Variants in NAIP observed in about 807,000 individuals in gnomAD.
The protein encoded by NAIP is baculoviral IAP repeat-containing protein 1.
In NAIP, 15 loss-of-function variants were observed where a neutral mutation model predicts 23.0. That is an observed-to-expected ratio of 0.65 (90% CI 0.44 to 1.00). The LOEUF (loss-of-function observed/expected upper bound fraction) is 1.00. NAIP is among the 50% of genes least tolerant of loss of function. The probability of loss-of-function intolerance (pLI) is 0.00; values close to 1 mark genes in which losing one functional copy is unlikely to be tolerated. For synonymous variants in NAIP, 100 were observed against 100.2 expected (o/e 1.00, Z 0.01); for missense variants, 265 against 278.8 (o/e 0.95, Z 0.35).
rs1257226997 is a variant in NAIP at position 71,009,701 on chromosome 5, G to A, written c.668+1574C>T. On this transcript the variant is annotated intron_variant, in intron 5 of 16. Transcript: ENST00000517649. ...TCAAATAAAATAAAATAAAAATATA[G>A]TTATTGTTATTATTTCCAGGAAAAA... Among the ~76,000 whole-genome samples the A allele has an allele frequency of 2.0e-5, 3 of 151,350 alleles. 1 individual carries two copies. The highest frequency in any genetic ancestry group is 4.2e-4 in the South Asian group (2 of 4,796).
At chr5:71,014,233 GAT>G (rs1307376106) in intron 3 of NAIP, among the ~76,000 whole-genome samples, 1 of 151,168 alleles carries the variant, frequency 6.6e-6, no homozygotes, top group African/African-American at 2.4e-5. Flanking sequence ...GAGTAGCTGG[GAT>G]TACAGGCACG....
chr5:71,011,606 G>GC (rs1561517125), intron 4 of NAIP: 2 of 540,282 alleles, frequency 3.7e-6, no homozygotes, highest in South Asian at 2.5e-5. Flanking sequence ...TGCCCCAGCT[G>GC]CCCCCCAGAG....
At chr5:71,015,065 C>A (rs1186121393) in intron 3 of NAIP, among the ~76,000 whole-genome samples, 1 of 151,488 alleles carries the variant, frequency 6.6e-6, no homozygotes, top group African/African-American at 2.4e-5. Context: ...ATGATTTTCT[C>A]CTGAAATAGG....
At position 71,011,465 on chromosome 5, in the gene NAIP, G is replaced by C. The variant is rs532981361; in HGVS notation, c.569-91C>G. On this transcript the variant is annotated intron_variant, in intron 4 of 16. Transcript: ENST00000517649. The stretch of plus-strand genomic sequence containing the variant: ...ATTGTTTTGTTCAGGAGCAAGACAA[G>C]CTCCAGCGTGGCTGTGCACTCCCGA... 2.8e-6 allele frequency: 3 copies of C among 1,078,494 alleles called. No homozygotes were observed. The Admixed American group carries it at 6.9e-5, about 25-fold the overall frequency. The allele number at this position is 1,078,494 out of a possible 1,614,324, so 66.8% of individuals were successfully genotyped here.
chr5:71,011,249 C>G (rs1751140218), intron 5 of NAIP, 26 bp downstream of exon 5: 16 of 1,534,644 alleles, frequency 1.0e-5, no homozygotes, highest in Non-Finnish European at 1.2e-5. Context: ...AAGAAAGAAA[C>G]ATTTAAGCAA....
intron 13 of NAIP, among the ~76,000 whole-genome samples, chr5:70,977,856 A>G (rs1750342174): frequency 8.9e-6 from 1 of 112,064 alleles, no homozygotes; most frequent in African/African-American, 2.6e-5. Context: ...TTAGCCGGGC[A>G]TGGTGATGGG....
chr5:70,977,867 T>C (rs150442), intron 13 of NAIP, among the ~76,000 whole-genome samples: 13,231 of 78,614 alleles, frequency 0.17, 833 homozygotes, highest in East Asian at 0.29. Flanking sequence ...TGGTGATGGG[T>C]GCCTGTAATC....
chr5:71,011,744 C>A (rs1751170409), intron 4 of NAIP: 1 of 448,008 alleles, frequency 2.2e-6, no homozygotes. Flanking sequence ...TCGGTAGAAA[C>A]ATAGGCATGT....
At chr5:71,013,000 C>T in intron 3 of NAIP, 82 bp from the exon 4 acceptor site, 1 of 1,253,124 alleles carries the variant, frequency 8.0e-7, no homozygotes. Flanking sequence ...CCGAAGAAAC[C>T]AGGAATTAAA....
chr5:70,977,944 G>C (rs1052815295), intron 13 of NAIP, among the ~76,000 whole-genome samples: 1 of 125,014 alleles, frequency 8.0e-6, no homozygotes, highest in African/African-American at 2.6e-5. Context: ...GCAGTGAGCT[G>C]ACAACGGTGC....
At chr5:70,977,753 G>T (rs1279543200) in intron 13 of NAIP, among the ~76,000 whole-genome samples, 1 of 141,746 alleles carries the variant, frequency 7.1e-6, no homozygotes, top group African/African-American at 2.5e-5. Context: ...AGTACTTTGG[G>T]AGGCTGAGGT....
At chr5:71,017,866 T>TA (rs1485246695) in intron 3 of NAIP, among the ~76,000 whole-genome samples, 41 of 122,516 alleles carry the variant, frequency 3.3e-4, no homozygotes, top group African/African-American at 1.1e-3. Flanking sequence ...TTTTTTTTTT[T>TA]ATAGGAGACA....
At chr5:71,011,990 A>G (rs1173696648) in intron 4 of NAIP, among the ~76,000 whole-genome samples, 1 of 151,580 alleles carries the variant, frequency 6.6e-6, no homozygotes, top group Admixed American at 6.6e-5. Flanking sequence ...TCAAAGAAAG[A>G]TCATGTAAGA....
At chr5:70,977,746 A>G (rs1201845395) in intron 13 of NAIP, among the ~76,000 whole-genome samples, 2 of 140,590 alleles carry the variant, frequency 1.4e-5, no homozygotes, top group Non-Finnish European at 3.1e-5. Context: ...TAATCCTAGT[A>G]CTTTGGGAGG....
At chr5:71,011,855 A>C (rs1751175609) in intron 4 of NAIP, 2 of 347,006 alleles carry the variant, frequency 5.8e-6, no homozygotes, top group African/African-American at 4.2e-5. Context: ...GCCTAGCATA[A>C]AGTAGGTACA....
At position 71,012,776 on chromosome 5, in the gene NAIP, G is replaced by A; in HGVS notation, c.140C>T (p.Ala47Val). The A allele has an allele frequency of 1.9e-6, 3 of 1,611,830 alleles. No homozygotes were observed. The highest frequency in any genetic ancestry group is 2.5e-6 in the Non-Finnish European group (3 of 1,178,500). Residue 47 changes from alanine to valine, a missense_variant, in exon 4 of 17, where the codon GCA becomes GTA. This residue lies in a region of NAIP where 261 missense variants were observed against 259.2 expected (regional missense o/e 1.01). Coordinates refer to ENST00000517649, the MANE Select transcript of NAIP (RefSeq NM_004536.3). The part of the protein sequence containing the change: ...ELEEEEQKER[A>V]KMQKGYNSQM... ...AGAGTTGTAGCCTTTCTGCATTTTT[G>A]CTCGCTCCTTCTGCTCCTCTTCTTC... is the stretch of plus-strand genomic sequence containing the variant.
chr5:71,012,987 T>C, intron 3 of NAIP, 69 bp from the exon 4 acceptor site: 1 of 1,334,852 alleles, frequency 7.5e-7, no homozygotes, highest in Non-Finnish European at 1.0e-6. Context: ...TTTCCCACTG[T>C]TTCCGAAGAA....
intron 3 of NAIP, among the ~76,000 whole-genome samples, chr5:71,016,028 C>T (rs1435658096): frequency 1.4e-5 from 2 of 144,088 alleles, no homozygotes; most frequent in South Asian, 2.3e-4. Flanking sequence ...TACCTATAAC[C>T]CCAATGCTCT....
chr5:71,008,801 C>CAAAAAAAAAAAAAAA (rs1187402726), intron 5 of NAIP, among the ~76,000 whole-genome samples: 1 of 84,158 alleles, frequency 1.2e-5, no homozygotes, highest in African/African-American at 5.8e-5. Flanking sequence ...GAGACTGTCA[C>CAAAAAAAAAAAAAAA]AAAAAAAAAA....
Sources: gnomAD v4.1 joint callset for allele counts (sites outside exome capture counted in the v4.1 genomes callset) on GRCh38, gnomAD v4.1.1 for gene constraint, gnomAD v4.1.1 regional missense constraint, MANE v1.5 for transcripts, NCBI Gene and HGNC (gene_info 2026-07-23, HGNC 2026-07-21) for gene names.